Variants in SND1 observed in about 807,000 individuals in gnomAD.
SND1 encodes staphylococcal nuclease and tudor domain containing 1.
Under a neutral mutation model 121.7 loss-of-function variants are expected in SND1, and 38 were observed. The ratio of observed to expected loss-of-function variants is 0.31; its 90% CI spans 0.24 to 0.41. The LOEUF (loss-of-function observed/expected upper bound fraction) is 0.41. SND1 is among the 10% of genes least tolerant of loss of function. The probability of loss-of-function intolerance (pLI) is 1.00; values close to 1 mark genes in which losing one functional copy is unlikely to be tolerated. For missense variants in SND1, 868 were observed against 1,184.6 expected, an observed-to-expected ratio of 0.73 and a Z score of 3.92; for synonymous variants, 401 against 447.4, an observed-to-expected ratio of 0.90 and a Z score of 1.31.
chr7:127,870,096 C>T (rs1289262429), intron 12 of SND1, among the ~76,000 whole-genome samples: 9 of 152,150 alleles, frequency 5.9e-5, no homozygotes. Flanking sequence ...CTAAATACTA[C>T]TTACTATCTC....
At chr7:128,024,214 G>A (rs1016257690) in intron 16 of SND1, among the ~76,000 whole-genome samples, 8 of 152,020 alleles carry the variant, frequency 5.3e-5, no homozygotes, top group African/African-American at 1.9e-4. Context: ...ATAGGAGAGG[G>A]GTGCTTCCTG....
chr7:128,053,926 C>T (rs1044472200), intron 16 of SND1, among the ~76,000 whole-genome samples: 2 of 152,190 alleles, frequency 1.3e-5, no homozygotes, highest in African/African-American at 4.8e-5. Flanking sequence ...AGCTTTATTG[C>T]CCACACACTG....
intron 12 of SND1, among the ~76,000 whole-genome samples, chr7:127,886,715 G>A (rs73721025): frequency 0.017 from 2,593 of 151,990 alleles, 92 homozygotes; most frequent in African/African-American, 0.059. Flanking sequence ...TTTCCAGGTT[G>A]GGGAGGAACC....
At chr7:127,799,452 A>G (rs1410485587) in intron 10 of SND1, among the ~76,000 whole-genome samples, 2 of 152,190 alleles carry the variant, frequency 1.3e-5, no homozygotes, top group African/African-American at 4.8e-5. Flanking sequence ...AGTGCTTTTC[A>G]CACATGCTAA....
In SND1 at chr7:127,702,878, C is replaced by A. The variant is rs145759291; in HGVS notation, c.682-287C>A. ...TTTTTAAAAAATCAGAGATTAAAAG[C>A]TGAGCACTGGCAAGTCTTTTTTTGG... is the stretch of plus-strand genomic sequence containing the variant. On this transcript the variant is annotated intron_variant, in intron 6 of 23. Coordinates refer to ENST00000354725, the MANE Select transcript of SND1 (RefSeq NM_014390.4). Among the ~76,000 whole-genome samples, 369 of 152,224 alleles carry A rather than the reference C, an allele frequency of 2.4e-3. 2 individuals carry two copies. The highest frequency in any genetic ancestry group is 7.7e-3 in the African/African-American group (320 of 41,532).
At chr7:127,664,996 T>G (rs1795387824) in intron 1 of SND1, among the ~76,000 whole-genome samples, 1 of 152,074 alleles carries the variant, frequency 6.6e-6, no homozygotes, top group South Asian at 2.1e-4. Flanking sequence ...AACACTTGTT[T>G]TTTAGAGTTG....
chr7:127,832,290 G>T (rs1798755185), intron 11 of SND1, among the ~76,000 whole-genome samples: 1 of 152,192 alleles, frequency 6.6e-6, no homozygotes, highest in African/African-American at 2.4e-5. Context: ...GAACTGCTGG[G>T]TTAAAGGACA....
intron 8 of SND1, among the ~76,000 whole-genome samples, chr7:127,705,813 G>GT (rs1796182577): frequency 1.3e-5 from 2 of 152,168 alleles, no homozygotes; most frequent in African/African-American, 4.8e-5. Flanking sequence ...TGTATGACTT[G>GT]TTTCAGAATC....
chr7:127,929,072 T>C, intron 14 of SND1, 116 bp from the exon 15 acceptor site: 1 of 967,202 alleles, frequency 1.0e-6, no homozygotes, highest in Admixed American at 2.4e-5. Context: ...TTCAGAAATG[T>C]CTATAAATAG....
chr7:127,732,163 G>A (rs571304140), intron 10 of SND1, among the ~76,000 whole-genome samples: 1 of 152,250 alleles, frequency 6.6e-6, no homozygotes, highest in South Asian at 2.1e-4. Flanking sequence ...TTGTTTCTTT[G>A]TTTGCTTTTG....
chr7:127,830,751 G>A (rs1798723787), intron 11 of SND1, among the ~76,000 whole-genome samples: 1 of 152,054 alleles, frequency 6.6e-6, no homozygotes. Flanking sequence ...CCAGTCTCTT[G>A]TGCATTCAGT....
chr7:127,714,260 C>T (rs1796348049), intron 9 of SND1, among the ~76,000 whole-genome samples: 1 of 152,166 alleles, frequency 6.6e-6, no homozygotes, highest in Admixed American at 6.5e-5. Flanking sequence ...CTTCAAGGAG[C>T]TTACCTGCTA....
chr7:128,031,056 AGGGGAGGGGAGGGAAGGGGTG>A (rs1388282194), intron 16 of SND1: 1 of 13,946 alleles, frequency 7.2e-5, no homozygotes, highest in Admixed American at 6.0e-4. Context: ...AGGGGAGGGG[AGGGGAGGGGAGGGAAGGGGTG>A]GGGGAGACAA....
intron 15 of SND1, among the ~76,000 whole-genome samples, chr7:127,981,874 C>T (rs1802270331): frequency 6.6e-6 from 1 of 152,212 alleles, no homozygotes; most frequent in Non-Finnish European, 1.5e-5. Context: ...ACTAGAATTC[C>T]TCATCAATAC....
At chr7:127,961,300 AT>A (rs1299766241) in intron 15 of SND1, among the ~76,000 whole-genome samples, 1 of 152,170 alleles carries the variant, frequency 6.6e-6, no homozygotes, top group African/African-American at 2.4e-5. Flanking sequence ...ATCAATGAGG[AT>A]TTTTTTCATA....
At chr7:127,758,584 A>G (rs749543545) in intron 10 of SND1, among the ~76,000 whole-genome samples, 67 of 152,216 alleles carry the variant, frequency 4.4e-4, no homozygotes, top group Non-Finnish European at 7.8e-4. Flanking sequence ...TATGGCAACT[A>G]TGTTGAAACC....
rs190993378 is a variant in SND1 at position 127,979,524 on chromosome 7, G to A, written c.1670-11423G>A. 2.6e-4 allele frequency among the ~76,000 whole-genome samples: 40 copies of A among 152,306 alleles called. No homozygotes were observed. The East Asian group carries it at 7.3e-3, about 28-fold the overall frequency. ...TGGCAGGAAGGGCAGTTACAGAACA[G>A]GTGACTCTGGATGAATAAGAACAGA... On this transcript the variant is annotated intron_variant, in intron 15 of 23. Transcript: ENST00000354725.
intron 14 of SND1, among the ~76,000 whole-genome samples, chr7:127,922,695 C>CA: frequency 6.6e-6 from 1 of 152,312 alleles, no homozygotes; most frequent in South Asian, 2.1e-4. Context: ...GTTGGGCAAG[C>CA]ATACCATTCC....
At chr7:127,793,396 G>A (rs929500868) in intron 10 of SND1, among the ~76,000 whole-genome samples, 5 of 152,166 alleles carry the variant, frequency 3.3e-5, no homozygotes, top group African/African-American at 9.7e-5. Context: ...TTGCTATTGC[G>A]AGGATTAGAA....
Sources: gnomAD v4.1 joint callset for allele counts (sites outside exome capture counted in the v4.1 genomes callset) on GRCh38, gnomAD v4.1.1 for gene constraint, MANE v1.5 for transcripts, NCBI Gene and HGNC (gene_info 2026-07-23, HGNC 2026-07-21) for gene names.